Variants in DENND3 observed in about 807,000 individuals in gnomAD.
DENND3 encodes the protein DENN domain-containing protein 3.
A neutral mutation model predicts 135.1 loss-of-function variants in DENND3; 88 were observed. That is an observed-to-expected ratio of 0.65 (90% CI 0.55 to 0.78). The LOEUF is 0.78. DENND3 is among the 30% of genes least tolerant of loss of function. The probability of loss-of-function intolerance (pLI) is 0.00; values close to 1 mark genes in which losing one functional copy is unlikely to be tolerated. For missense variants in DENND3, 1,392 were observed against 1,688.4 expected (o/e 0.82, Z 3.08); for synonymous variants, 693 against 712.3 (o/e 0.97, Z 0.43).
chr8:141,188,921 A>G, intron 18 of DENND3, 65 bp from the exon 19 acceptor site: 1 of 1,568,358 alleles, frequency 6.4e-7, no homozygotes, highest in Non-Finnish European at 8.6e-7. Context: ...CAGTAAATGT[A>G]TAGAATATGA....
intron 13 of DENND3, among the ~76,000 whole-genome samples, chr8:141,170,583 A>G (rs996281700): frequency 6.6e-6 from 1 of 152,138 alleles, no homozygotes; most frequent in Non-Finnish European, 1.5e-5. Context: ...GATGAGGGTG[A>G]GCTCAGATGC....
rs1458849386 is a variant in DENND3, at chr8:141,138,373, A to G, written c.501+236A>G. Among the ~76,000 whole-genome samples, 1 of 151,602 alleles carries G rather than the reference A, an allele frequency of 6.6e-6. No homozygotes were observed. Among genetic ancestry groups the G allele is most frequent in the East Asian group, 1.9e-4 (1 of 5,166 alleles). On this transcript the variant is annotated intron_variant, in intron 3 of 22. Coordinates refer to ENST00000519811, the MANE Select transcript of DENND3 (RefSeq NM_001352890.3). The surrounding 1 kb of genome is among the most constrained non-coding windows in gnomAD (Gnocchi z 4.8). ...TCCTGCTTCCCCTTCCTGCCTGGCG[A>G]TGGCTAATCTGCTTGCTTTTTTTTT... is the stretch of plus-strand genomic sequence containing the variant.
chr8:141,143,012 G>A (rs575243081), intron 4 of DENND3: 1 of 152,612 alleles, frequency 6.6e-6, no homozygotes, highest in Non-Finnish European at 1.5e-5. Flanking sequence ...TTGAAAATGT[G>A]TTCATTTTCA....
chr8:141,145,992 G>C (rs1818079415), intron 5 of DENND3, among the ~76,000 whole-genome samples: 1 of 151,276 alleles, frequency 6.6e-6, no homozygotes, highest in South Asian at 2.1e-4. Context: ...GGGATTACAG[G>C]CGCGTGCCAC....
At chr8:141,172,259 G>A (rs1821714415) in intron 13 of DENND3, among the ~76,000 whole-genome samples, 1 of 152,182 alleles carries the variant, frequency 6.6e-6, no homozygotes, top group South Asian at 2.1e-4. Context: ...GTGCACGGTG[G>A]TGGGTTTGCA....
At chr8:141,193,814 C>CA in intron 22 of DENND3, 1 of 597,912 alleles carries the variant, frequency 1.7e-6, no homozygotes, top group South Asian at 2.0e-5. Flanking sequence ...GCACGCAGTG[C>CA]AGTCTTCTTC....
chr8:141,136,299 T>C (rs182036728), intron 1 of DENND3, among the ~76,000 whole-genome samples: 5 of 152,242 alleles, frequency 3.3e-5, no homozygotes, highest in Non-Finnish European at 7.4e-5. Flanking sequence ...AGAGCCAGGC[T>C]CTGCGAGTCT....
Position 141,130,058 on chromosome 8 carries a change from T to G in DENND3, c.102+1249T>G, listed in dbSNP as rs1815797149. The G allele has an allele frequency of 6.6e-6, 1 of 152,228 alleles. No individual in the cohort carries two copies. The highest frequency in any genetic ancestry group is 1.5e-5 in the Non-Finnish European group (1 of 68,044). 9.4% of individuals were successfully genotyped at this position (152,228 alleles called of 1,614,324 possible). On this transcript the variant is annotated intron_variant, in intron 1 of 22. Coordinates refer to ENST00000519811, the MANE Select transcript of DENND3 (RefSeq NM_001352890.3). This position sits in a 1 kb window ranked among gnomAD's most constrained non-coding sequence, Gnocchi z 4.2. The stretch of plus-strand genomic sequence containing the variant: ...GCCAGATGGCATCTCCTCCTTTTTC[T>G]TCGAATAGGAAGTGACCTAGTTGCC...
chr8:141,165,082 G>T, intron 10 of DENND3, 104 bp from the exon 11 acceptor site: 1 of 769,080 alleles, frequency 1.3e-6, no homozygotes, highest in Non-Finnish European at 2.2e-6. Context: ...TCCACTGGGT[G>T]TGAGTGGTGA....
At chr8:141,162,854 C>T (rs1268662137) in intron 9 of DENND3, among the ~76,000 whole-genome samples, 12 of 152,138 alleles carry the variant, frequency 7.9e-5, no homozygotes, top group Admixed American at 7.9e-4. Context: ...GTGGAGGTTG[C>T]AGTGAGCCAA....
At chr8:141,169,250 C>G (rs995635954) in intron 13 of DENND3, among the ~76,000 whole-genome samples, 5 of 152,372 alleles carry the variant, frequency 3.3e-5, no homozygotes, top group African/African-American at 1.2e-4. Flanking sequence ...GCTGCAGCAC[C>G]GTGGTCTTTA....
intron 18 of DENND3, chr8:141,188,234 A>G (rs888255795): frequency 2.0e-5 from 3 of 150,534 alleles, no homozygotes; most frequent in African/African-American, 7.6e-5. Flanking sequence ...CAAAATAAAC[A>G]AACAAACAAA....
At chr8:141,171,852 C>T (rs1188637635) in intron 13 of DENND3, among the ~76,000 whole-genome samples, 4 of 138,276 alleles carry the variant, frequency 2.9e-5, no homozygotes, top group African/African-American at 1.1e-4. Context: ...GTGCACAGTG[C>T]CTAGATGTGC....
chr8:141,151,924 C>T (rs1233794202), intron 7 of DENND3, 87 bp downstream of exon 7: 8 of 1,510,828 alleles, frequency 5.3e-6, no homozygotes, highest in East Asian at 2.3e-5. Context: ...GAAAGTGCTC[C>T]GCGGTGAAGG....
In DENND3 at chr8:141,128,932, C is replaced by T; in HGVS notation, c.102+123C>T. 2.8e-6 allele frequency: 2 copies of T among 715,468 alleles called. No individual in the cohort carries two copies. The highest frequency in any genetic ancestry group is 4.0e-6 in the Non-Finnish European group (2 of 497,842). 44.3% of individuals were successfully genotyped at this position (715,468 alleles called of 1,614,324 possible). A position where few individuals can be genotyped will look rare whatever the true frequency, so the allele number is the denominator to read the frequency against. On this transcript the variant is annotated intron_variant, in intron 1 of 22. Transcript: ENST00000519811. This position sits in a 1 kb window ranked among gnomAD's most constrained non-coding sequence, Gnocchi z 4.5. The stretch of plus-strand genomic sequence containing the variant: ...GACTTTCCGAGGGCTGAGTCCCGGT[C>T]CCCCGGCGGTGACCCCGCGCGCCTG...
At chr8:141,162,202 G>T (rs1251223402) in intron 9 of DENND3, among the ~76,000 whole-genome samples, 1 of 152,188 alleles carries the variant, frequency 6.6e-6, no homozygotes, top group Admixed American at 6.5e-5. Flanking sequence ...TATTATCTCT[G>T]CTCAAAGAGG....
At chr8:141,163,695 G>A (rs1820418515) in intron 10 of DENND3, among the ~76,000 whole-genome samples, 1 of 152,004 alleles carries the variant, frequency 6.6e-6, no homozygotes, top group Non-Finnish European at 1.5e-5. Flanking sequence ...ATCACCTGAG[G>A]TCAGGAGTTC....
Position 141,182,201 on chromosome 8 carries a change from C to A in DENND3, c.2944+1347C>A. On this transcript the variant is annotated intron_variant, in intron 17 of 22. Coordinates refer to ENST00000519811, the MANE Select transcript of DENND3 (RefSeq NM_001352890.3). The surrounding 1 kb of genome is among the most constrained non-coding windows in gnomAD (Gnocchi z 5.9). ...GTAGGTGTCACCCCCTCTCACAGGC[C>A]ATGTCCGCGGCTTCACAGAGCACCT... The A allele has an allele frequency of 1.7e-6, 1 of 588,636 alleles. No individual in the cohort carries two copies. The highest frequency in any genetic ancestry group is 2.0e-5 in the African/African-American group (1 of 49,268). The allele number at this position is 588,636 out of a possible 1,614,324, so 36.5% of individuals were successfully genotyped here.
chr8:141,178,026 G>A, intron 15 of DENND3, 41 bp from the exon 16 acceptor site: 1 of 1,576,588 alleles, frequency 6.3e-7, no homozygotes, highest in Non-Finnish European at 8.7e-7. Flanking sequence ...ACTGATCTTA[G>A]TGATTCTTGC....
Sources: gnomAD v4.1 joint callset for allele counts (sites outside exome capture counted in the v4.1 genomes callset) on GRCh38, gnomAD v4.1.1 for gene constraint, Gnocchi (gnomAD v3.1) non-coding constraint, MANE v1.5 for transcripts, NCBI Gene and HGNC (gene_info 2026-07-23, HGNC 2026-07-21) for gene names.